The following GPR160 variants were observed in gnomAD, a reference collection of about 807,000 sequenced individuals.
The protein encoded by GPR160 is probable G protein-coupled receptor 160.
In GPR160, 2 loss-of-function variants were observed where a neutral mutation model predicts 2.6. That is an observed-to-expected ratio of 0.77 (90% CI 0.32 to 2.44). GPR160 has a LOEUF of 2.44. Among genes scored for constraint, GPR160 ranks in the 30% most tolerant of loss-of-function variants. GPR160 has a pLI of 0.11. For missense variants in GPR160, 351 were observed against 383.6 expected, an observed-to-expected ratio of 0.91 and a Z score of 0.71; for synonymous variants, 130 against 132.2, an observed-to-expected ratio of 0.98 and a Z score of 0.12.
In GPR160 at chr3:170,085,197, T is replaced by G; in HGVS notation, c.*208T>G. 1 of 364,534 alleles carries G rather than the reference T, an allele frequency of 2.7e-6. No individual in the cohort carries two copies. Among genetic ancestry groups the G allele is most frequent in the East Asian group, 4.6e-5 (1 of 21,840 alleles). The allele number at this position is 364,534 out of a possible 1,614,324, so 22.6% of individuals were successfully genotyped here. ...AAATAATTCCAAGAAGTTTTTATAG[T>G]TATTCAGGGACACTATATTACAAAT... is the stretch of plus-strand genomic sequence containing the variant. On this transcript the variant is annotated 3_prime_UTR_variant, in exon 4 of 4. Transcript: ENST00000355897.
chr3:170,058,596 A>G (rs1356908719), intron 2 of GPR160, among the ~76,000 whole-genome samples: 1 of 152,266 alleles, frequency 6.6e-6, no homozygotes, highest in African/African-American at 2.4e-5. Flanking sequence ...TTAAACCGTC[A>G]TTCAAAAATG....
chr3:170,073,414 A>G (rs1409315826), intron 2 of GPR160, among the ~76,000 whole-genome samples: 1 of 152,204 alleles, frequency 6.6e-6, no homozygotes, highest in Non-Finnish European at 1.5e-5. Flanking sequence ...TTTCAGCACC[A>G]TGAGATTGAT....
chr3:170,078,968 A>G (rs188532244), intron 2 of GPR160, among the ~76,000 whole-genome samples: 2 of 152,352 alleles, frequency 1.3e-5, no homozygotes, highest in Admixed American at 1.3e-4. Flanking sequence ...GGCAAGGAGT[A>G]GGTACAAGGA....
intron 2 of GPR160, among the ~76,000 whole-genome samples, chr3:170,049,106 G>A (rs532097834): frequency 2.3e-4 from 35 of 152,278 alleles, no homozygotes; most frequent in African/African-American, 7.7e-4. Flanking sequence ...ACGTAAGACC[G>A]TGTAAGGACA....
intron 2 of GPR160, among the ~76,000 whole-genome samples, chr3:170,074,247 C>T (rs889723079): frequency 1.3e-5 from 2 of 152,070 alleles, no homozygotes; most frequent in Non-Finnish European, 2.9e-5. Flanking sequence ...AGTGTCTTTC[C>T]AGAAATTTGT....
chr3:170,045,361 G>A lies in GPR160; in HGVS notation c.-193+6318G>A, dbSNP rs368435592. 3.8e-5 allele frequency among the ~76,000 whole-genome samples: 5 copies of A among 130,608 alleles called. No individual in the cohort carries two copies. In the South Asian group the frequency reaches 7.3e-4, roughly 19 times the overall value. The allele number at this position is 130,608 out of a possible 152,430, so 85.7% of individuals were successfully genotyped here. On this transcript the variant is annotated intron_variant, in intron 2 of 3. Coordinates refer to ENST00000355897, the MANE Select transcript of GPR160 (RefSeq NM_014373.3). ...GGGTGGATAGTGAGGTCAGGAAATC[G>A]AGACCATCCTGGCTAACACGGTGAA...
intron 2 of GPR160, among the ~76,000 whole-genome samples, chr3:170,049,654 A>G (rs1264875032): frequency 6.6e-6 from 1 of 152,198 alleles, no homozygotes; most frequent in Non-Finnish European, 1.5e-5. Flanking sequence ...GGGCTGGTGT[A>G]GAGCCAACTC....
At chr3:170,073,685 T>C (rs572712273) in intron 2 of GPR160, among the ~76,000 whole-genome samples, 2 of 152,294 alleles carry the variant, frequency 1.3e-5, no homozygotes, top group South Asian at 4.1e-4. Flanking sequence ...TCATGAGGGA[T>C]GATGATCTAT....
At chr3:170,048,109 G>C (rs1249856167) in intron 2 of GPR160, among the ~76,000 whole-genome samples, 1 of 152,174 alleles carries the variant, frequency 6.6e-6, no homozygotes, top group Non-Finnish European at 1.5e-5. Flanking sequence ...GATTACAGGC[G>C]TGAGCCACCA....
At chr3:170,055,328 G>T (rs1409601917) in intron 2 of GPR160, among the ~76,000 whole-genome samples, 1 of 152,150 alleles carries the variant, frequency 6.6e-6, no homozygotes, top group Non-Finnish European at 1.5e-5. Context: ...GTGAAAAAAG[G>T]ATCTCCCTTA....
chr3:170,047,708 C>T (rs986045555), intron 2 of GPR160, among the ~76,000 whole-genome samples: 2 of 148,866 alleles, frequency 1.3e-5, no homozygotes. Flanking sequence ...ATACACATCA[C>T]ATATACACAT....
At position 170,062,622 on chromosome 3, in the gene GPR160, C is replaced by T. The variant is rs1340067618; in HGVS notation, c.-192-17152C>T. ...GAAGCAGCAGAACTTCCAAAACCTCCGGCCTCGTCTTGTGATTCCACCAAT... is the reference window on the plus strand; with the variant it reads ...GAAGCAGCAGAACTTCCAAAACCTCTGGCCTCGTCTTGTGATTCCACCAAT... On this transcript the variant is annotated intron_variant, in intron 2 of 3. Transcript: ENST00000355897. 8.1e-6 allele frequency: 11 copies of T among 1,358,604 alleles called. No homozygotes were observed. In the Admixed American group the frequency reaches 9.4e-5, roughly 12 times the overall value. 84.2% of individuals were successfully genotyped at this position (1,358,604 alleles called of 1,614,324 possible).
chr3:170,055,791 C>G (rs1226474224), intron 2 of GPR160, among the ~76,000 whole-genome samples: 1 of 152,120 alleles, frequency 6.6e-6, no homozygotes, highest in Admixed American at 6.5e-5. Flanking sequence ...TCTGCCACAA[C>G]GCCTGTCTAA....
chr3:170,048,980 G>A (rs528331380), intron 2 of GPR160, among the ~76,000 whole-genome samples: 19 of 152,266 alleles, frequency 1.2e-4, no homozygotes, highest in Middle Eastern at 3.4e-3. Flanking sequence ...TACCAGTCAC[G>A]GTGGGCTGGC....
chr3:170,061,095 T>C (rs948932859), intron 2 of GPR160, among the ~76,000 whole-genome samples: 2 of 151,868 alleles, frequency 1.3e-5, no homozygotes, highest in Non-Finnish European at 2.9e-5. Context: ...ACCAACATGG[T>C]GAAACCACAT....
intron 2 of GPR160, among the ~76,000 whole-genome samples, chr3:170,078,287 A>G (rs567858924): frequency 5.3e-5 from 8 of 152,256 alleles, no homozygotes; most frequent in Non-Finnish European, 1.0e-4. Flanking sequence ...AGGAAGAACC[A>G]TCATCTACCT....
Position 170,060,470 on chromosome 3 carries a change from A to G in GPR160, c.-192-19304A>G, listed in dbSNP as rs187886965. 5.3e-5 allele frequency among the ~76,000 whole-genome samples: 8 copies of G among 152,334 alleles called. No homozygotes were observed. In the East Asian group the frequency reaches 1.5e-3, roughly 29 times the overall value. The stretch of plus-strand genomic sequence containing the variant: ...TTACAAAGGGAAAAGGTCCTCTACA[A>G]CAGTAAAATGGACGAGGCGAGGTGG... On this transcript the variant is annotated intron_variant, in intron 2 of 3. Transcript: ENST00000355897.
intron 2 of GPR160, among the ~76,000 whole-genome samples, chr3:170,060,674 G>A (rs947409688): frequency 5.3e-5 from 8 of 152,246 alleles, no homozygotes; most frequent in Middle Eastern, 3.4e-3. Context: ...AGGAGGCTGC[G>A]GTGGGAAGAT....
In GPR160 at chr3:170,084,833, C is replaced by T. The variant is rs768510633; in HGVS notation, c.861C>T (p.Leu287=). The T allele has an allele frequency of 6.2e-7, 1 of 1,609,580 alleles. No homozygotes were observed. Among genetic ancestry groups the T allele is most frequent in the Non-Finnish European group, 8.5e-7 (1 of 1,176,424 alleles). ...GGTTATACTTTGTCAATAGTTTTCT[C>T]ATTGCTACAGTGTATTGGTTTAATT... ...IPWLYFVNSF[L]IATVYWFNCH... Residue 287 remains leucine, a synonymous_variant, in exon 4 of 4, where the codon CTC becomes CTT. Coordinates refer to ENST00000355897, the MANE Select transcript of GPR160 (RefSeq NM_014373.3).
Sources: allele counts gnomAD v4.1 joint callset (sites outside exome capture counted in the v4.1 genomes callset), GRCh38; gene constraint gnomAD v4.1.1; transcripts MANE v1.5; gene names NCBI Gene and HGNC (gene_info 2026-07-23, HGNC 2026-07-21).